CMTM4: variants seen among roughly 807,000 people sequenced by gnomAD.
The protein encoded by CMTM4 is CKLF-like MARVEL transmembrane domain-containing protein 4.
CMTM4 carries 8 observed loss-of-function variants against 19.0 expected under a neutral mutation model. That is an observed-to-expected ratio of 0.42 (90% CI 0.25 to 0.76). The LOEUF (loss-of-function observed/expected upper bound fraction) is 0.76. Among genes scored for constraint, CMTM4 ranks in the 30% least tolerant of loss-of-function variants. CMTM4 has a pLI of 0.27. For synonymous variants in CMTM4, 106 were observed against 121.1 expected (o/e 0.88, Z 0.82); for missense variants, 228 against 290.2 (o/e 0.79, Z 1.56).
Position 66,619,969 on chromosome 16 carries a change from C to A in CMTM4, c.*2089G>T, listed in dbSNP as rs756659073. ...CTATTTCTTGCAGCTGACAACATAT[C>A]CTCAGGAGGCCAACCACCTGCCCCC... On this transcript the variant is annotated 3_prime_UTR_variant, in exon 4 of 4. Transcript: ENST00000394106. The A allele has an allele frequency of 3.1e-5, 31 of 985,396 alleles. No individual in the cohort carries two copies. The highest frequency in any genetic ancestry group is 3.7e-5 in the Non-Finnish European group (31 of 829,928). 61.0% of individuals were successfully genotyped at this position (985,396 alleles called of 1,614,324 possible). A position where few individuals can be genotyped will look rare whatever the true frequency, so the allele number is the denominator to read the frequency against.
the CMTM4 span, chr16:66,608,186 C>A: frequency 9.9e-7 from 1 of 1,013,366 alleles, no homozygotes; most frequent in Non-Finnish European, 1.5e-6. This position sits in a 1 kb window ranked among gnomAD's most constrained non-coding sequence, Gnocchi z 5.1. Flanking sequence ...AGCTGCGGGA[C>A]TGTGAGCAGT....
At chr16:66,692,522 A>G (rs1362131929) in intron 1 of CMTM4, among the ~76,000 whole-genome samples, 1 of 152,240 alleles carries the variant, frequency 6.6e-6, no homozygotes, top group Non-Finnish European at 1.5e-5. Context: ...ATTTCTAACA[A>G]GCCCTTAGGT....
At chr16:66,612,554 C>A (rs1438705489), downstream of CMTM4, 6 of 1,593,358 alleles carry the variant, frequency 3.8e-6, no homozygotes, top group Non-Finnish European at 5.2e-6. The surrounding 1 kb of genome is among the most constrained non-coding windows in gnomAD (Gnocchi z 6.0). Context: ...GAGACCGTTC[C>A]CAGGCACCGC....
At position 66,619,098 on chromosome 16, in the gene CMTM4, C is replaced by T; in HGVS notation, c.*2960G>A. 1.0e-6 allele frequency: 1 copy of T among 985,462 alleles called. No homozygotes were observed. The highest frequency in any genetic ancestry group is 1.2e-6 in the Non-Finnish European group (1 of 829,938). The allele number at this position is 985,462 out of a possible 1,614,324, so 61.0% of individuals were successfully genotyped here. ...AATCTGAAACTGCATCTGTTCTTCC[C>T]AGCTTTATGTGGGGCCAACAAGTAT... On this transcript the variant is annotated 3_prime_UTR_variant, in exon 4 of 4. Coordinates refer to ENST00000394106, the MANE Select transcript of CMTM4 (RefSeq NM_181521.3).
At chr16:66,610,468 G>A (rs2015334971), downstream of CMTM4, among the ~76,000 whole-genome samples, 1 of 152,204 alleles carries the variant, frequency 6.6e-6, no homozygotes, top group Non-Finnish European at 1.5e-5. The surrounding 1 kb of genome is among the most constrained non-coding windows in gnomAD (Gnocchi z 4.6). Context: ...GGCCAGATGG[G>A]GCAGCAATGA....
chr16:66,694,132 C>G (rs552727864), intron 1 of CMTM4, among the ~76,000 whole-genome samples: 1 of 152,188 alleles, frequency 6.6e-6, no homozygotes, highest in South Asian at 2.1e-4. Context: ...AACGCTACAA[C>G]AAAACAGTAC....
chr16:66,675,531 T>G (rs2016795573), intron 1 of CMTM4, among the ~76,000 whole-genome samples: 1 of 151,290 alleles, frequency 6.6e-6, no homozygotes, highest in Non-Finnish European at 1.5e-5. Context: ...GGAGAAGTTC[T>G]GCAGACCCCT....
At chr16:66,603,446 G>A in the CMTM4 span, among the ~76,000 whole-genome samples, 2 of 151,864 alleles carry the variant, frequency 1.3e-5, no homozygotes, top group Non-Finnish European at 2.9e-5. Context: ...GTGCCACCAC[G>A]CCCAGCTAAT....
chr16:66,682,159 G>A (rs1211759437), intron 1 of CMTM4, among the ~76,000 whole-genome samples: 1 of 152,140 alleles, frequency 6.6e-6, no homozygotes, highest in Non-Finnish European at 1.5e-5. Context: ...CCCACCCTAG[G>A]CACTCAAATG....
chr16:66,606,812 G>C, the CMTM4 span, among the ~76,000 whole-genome samples: 1 of 152,158 alleles, frequency 6.6e-6, no homozygotes, highest in Non-Finnish European at 1.5e-5. Context: ...GGCCAGCATG[G>C]TGAAACCCTG....
chr16:66,637,600 T>C (rs1166647187), intron 1 of CMTM4, among the ~76,000 whole-genome samples: 1 of 152,184 alleles, frequency 6.6e-6, no homozygotes, highest in Non-Finnish European at 1.5e-5. Context: ...TGGCAATATG[T>C]CCTAAGAGTT....
At chr16:66,630,904 C>T (rs2144798842) in intron 2 of CMTM4, among the ~76,000 whole-genome samples, 2 of 151,726 alleles carry the variant, frequency 1.3e-5, no homozygotes, top group East Asian at 2.0e-4. Context: ...GCGCCTCTGC[C>T]CCGCCGCCCC....
chr16:66,675,475 A>C (rs1398822364), intron 1 of CMTM4, among the ~76,000 whole-genome samples: 1 of 151,452 alleles, frequency 6.6e-6, no homozygotes, highest in African/African-American at 2.4e-5. Context: ...AAAAAAAAAA[A>C]AACCTGCAGG....
chr16:66,604,569 A>T, the CMTM4 span: 1 of 322,260 alleles, frequency 3.1e-6, no homozygotes, highest in Non-Finnish European at 5.6e-6. Flanking sequence ...GAGTCTGCGG[A>T]GGCCCCAGGC....
At position 66,619,707 on chromosome 16, in the gene CMTM4, A is replaced by T. The variant is rs932343296; in HGVS notation, c.*2351T>A. ...GATGACATGTGCAACCACACATTAC[A>T]TCAACTAGAAAGCGTCCATAGCACC... On this transcript the variant is annotated 3_prime_UTR_variant, in exon 4 of 4. Coordinates refer to ENST00000394106, the MANE Select transcript of CMTM4 (RefSeq NM_181521.3). 3 of 985,274 alleles carry T rather than the reference A, an allele frequency of 3.0e-6. No individual in the cohort carries two copies. In the African/African-American group the frequency reaches 5.2e-5, roughly 17 times the overall value. The allele number at this position is 985,274 out of a possible 1,614,324, so 61.0% of individuals were successfully genotyped here.
intron 1 of CMTM4, among the ~76,000 whole-genome samples, chr16:66,639,541 G>A (rs1438026818): frequency 6.6e-6 from 1 of 152,122 alleles, no homozygotes; most frequent in Non-Finnish European, 1.5e-5. Context: ...AGCAGGGAAG[G>A]TGAACAAAGC....
At chr16:66,649,459 C>CATCTATCT (rs71378403) in intron 1 of CMTM4, among the ~76,000 whole-genome samples, 37,938 of 149,300 alleles carry the variant, frequency 0.25, 6,039 homozygotes, top group African/African-American at 0.46. Flanking sequence ...TCTATCTATC[C>CATCTATCT]ATCTATCTAT....
rs1004361896 is a variant in CMTM4, at chr16:66,617,075, A to G, written c.*4983T>C. On this transcript the variant is annotated 3_prime_UTR_variant, in exon 4 of 4. Coordinates refer to ENST00000394106, the MANE Select transcript of CMTM4 (RefSeq NM_181521.3). Reference sequence around the variant, plus strand: ...TTCTTACTCCTAAACTCAAACTTTAAAAGTTTCAATAGCTCCCTGGGGGTC... The same window carrying G: ...TTCTTACTCCTAAACTCAAACTTTAGAAGTTTCAATAGCTCCCTGGGGGTC... 6.3e-6 allele frequency: 3 copies of G among 476,198 alleles called. No homozygotes were observed. Among genetic ancestry groups the G allele is most frequent in the African/African-American group, 5.9e-5 (3 of 51,146 alleles). 29.5% of individuals were successfully genotyped at this position (476,198 alleles called of 1,614,324 possible). A position where few individuals can be genotyped will look rare whatever the true frequency, so the allele number is the denominator to read the frequency against.
At chr16:66,659,886 G>A (rs2016470465) in intron 1 of CMTM4, among the ~76,000 whole-genome samples, 1 of 152,072 alleles carries the variant, frequency 6.6e-6, no homozygotes, top group Non-Finnish European at 1.5e-5. Flanking sequence ...GTGTATGTCT[G>A]AAAGTTTCCA....
Sources: gnomAD v4.1 joint callset for allele counts (sites outside exome capture counted in the v4.1 genomes callset) on GRCh38, gnomAD v4.1.1 for gene constraint, Gnocchi (gnomAD v3.1) non-coding constraint, MANE v1.5 for transcripts, NCBI Gene and HGNC (gene_info 2026-07-23, HGNC 2026-07-21) for gene names.